TENM2: variants seen among roughly 807,000 people sequenced by gnomAD.
TENM2 encodes teneurin-2.
TENM2 carries 52 observed loss-of-function variants against 245.2 expected under a neutral mutation model. That is an observed-to-expected ratio of 0.21 (90% CI 0.17 to 0.27). TENM2 has a LOEUF of 0.27. Ranked by LOEUF, TENM2 falls within the 10% of genes least tolerant of loss-of-function variation. TENM2 has a pLI of 1.00. For synonymous variants in TENM2, 1,363 were observed against 1,438.9 expected, an observed-to-expected ratio of 0.95 and a Z score of 1.19; for missense variants, 3,046 against 3,666.8, an observed-to-expected ratio of 0.83 and a Z score of 4.37.
intron 1 of TENM2, among the ~76,000 whole-genome samples, chr5:167,349,113 T>C (rs1417470510): frequency 6.6e-6 from 1 of 152,192 alleles, no homozygotes; most frequent in Non-Finnish European, 1.5e-5. Flanking sequence ...CTGAGTTGCG[T>C]TGCCACAATC....
intron 14 of TENM2, 28 bp from the exon 17 acceptor site, chr5:168,195,148 C>G: frequency 3.2e-6 from 5 of 1,566,544 alleles, no homozygotes; most frequent in Non-Finnish European, 4.3e-6. Context: ...GCATGTGGCT[C>G]AAAGACCTCT....
chr5:167,036,163 A>T, the TENM2 span, among the ~76,000 whole-genome samples: 1 of 152,166 alleles, frequency 6.6e-6, no homozygotes, highest in Non-Finnish European at 1.5e-5. Flanking sequence ...AGAATCACAC[A>T]TTTACCTGAC....
intron 6 of TENM2, among the ~76,000 whole-genome samples, chr5:168,060,976 T>C (rs978931044): frequency 6.6e-6 from 1 of 152,152 alleles, no homozygotes; most frequent in African/African-American, 2.4e-5. Context: ...TCACAGAATG[T>C]CGAGGGGAGC....
chr5:167,506,459 A>T (rs1042657088), intron 2 of TENM2, among the ~76,000 whole-genome samples: 11 of 152,140 alleles, frequency 7.2e-5, no homozygotes, highest in African/African-American at 2.7e-4. Context: ...GAAATCAGAA[A>T]CCACATGTCA....
intron 2 of TENM2, among the ~76,000 whole-genome samples, chr5:167,838,293 T>G (rs1188149579): frequency 6.6e-6 from 1 of 152,222 alleles, no homozygotes; most frequent in Non-Finnish European, 1.5e-5. Context: ...CCGAGATATT[T>G]ATGGGATTCT....
chr5:167,545,793 A>C (rs922193883), intron 2 of TENM2, among the ~76,000 whole-genome samples: 2 of 152,198 alleles, frequency 1.3e-5, no homozygotes, highest in African/African-American at 4.8e-5. Flanking sequence ...AATTATATCT[A>C]CTGCACAGGC....
At chr5:167,900,137 G>GAAA (rs1561912449) in intron 3 of TENM2, among the ~76,000 whole-genome samples, 4 of 112,692 alleles carry the variant, frequency 3.5e-5, no homozygotes, top group Admixed American at 1.7e-4. Context: ...AAAAAAAGGG[G>GAAA]GGGGGGGTTT....
At chr5:167,095,689 G>A in the TENM2 span, among the ~76,000 whole-genome samples, 6 of 151,100 alleles carry the variant, frequency 4.0e-5, no homozygotes, top group African/African-American at 1.5e-4. Flanking sequence ...TGTTCAGTTT[G>A]AGTTTTGACA....
intron 2 of TENM2, among the ~76,000 whole-genome samples, chr5:167,808,433 T>C (rs1405951480): frequency 6.6e-6 from 1 of 152,146 alleles, no homozygotes; most frequent in Non-Finnish European, 1.5e-5. Context: ...CTAATTTTTA[T>C]ATTTTTAGTA....
rs553080316 is a variant in TENM2, at chr5:167,542,547, C to T, written c.502+167074C>T. Among the ~76,000 whole-genome samples, 19 of 152,220 alleles carry T rather than the reference C, an allele frequency of 1.2e-4. 3 individuals carry two copies. Among genetic ancestry groups the T allele is most frequent in the African/African-American group, 4.3e-4 (18 of 41,544 alleles). On this transcript the variant is annotated intron_variant, in intron 2 of 28. Transcript: ENST00000518659. The stretch of plus-strand genomic sequence containing the variant: ...ATGTTAGTGAACCTCTCAAGTGATT[C>T]GTATCTACCTTTAAATGTGAGAAAA...
chr5:168,209,693 G>A lies in TENM2; in HGVS notation c.3825-2041G>A, dbSNP rs78766488. On this transcript the variant is annotated intron_variant, in intron 19 of 28. Transcript: ENST00000518659. ...AATTCTGAGCAGAACATGAGGGATTGGAGTTAGTCCAAGGCAAAGTCTGCC... is the reference window on the plus strand; with the variant it reads ...AATTCTGAGCAGAACATGAGGGATTAGAGTTAGTCCAAGGCAAAGTCTGCC... Among the ~76,000 whole-genome samples, 968 of 152,336 alleles carry A rather than the reference G, an allele frequency of 6.4e-3. 12 individuals carry two copies. The highest frequency in any genetic ancestry group is 0.022 in the African/African-American group (924 of 41,570).
chr5:167,471,997 A>G (rs1435748302), intron 2 of TENM2, among the ~76,000 whole-genome samples: 1 of 152,140 alleles, frequency 6.6e-6, no homozygotes, highest in Non-Finnish European at 1.5e-5. Flanking sequence ...CTTGAGCCCC[A>G]GGTTGCTCGC....
chr5:167,808,182 A>C (rs1296133071), intron 2 of TENM2, among the ~76,000 whole-genome samples: 1 of 152,168 alleles, frequency 6.6e-6, no homozygotes, highest in East Asian at 1.9e-4. Context: ...TCGAGGAAGC[A>C]ACTTAATCAC....
intron 7 of TENM2, among the ~76,000 whole-genome samples, chr5:168,076,173 TTTTTA>T (rs202117061): frequency 0.055 from 7,249 of 132,154 alleles, 248 homozygotes; most frequent in African/African-American, 0.077. Context: ...GTTTGCTTTA[TTTTTA>T]TTTTATTTTA....
At chr5:167,010,969 T>C in the TENM2 span, among the ~76,000 whole-genome samples, 1 of 152,174 alleles carries the variant, frequency 6.6e-6, no homozygotes, top group African/African-American at 2.4e-5. Context: ...ACTACAATTA[T>C]CCTGTTTTAT....
intron 2 of TENM2, among the ~76,000 whole-genome samples, chr5:167,598,871 G>A (rs895045865): frequency 6.6e-6 from 1 of 152,028 alleles, no homozygotes; most frequent in Non-Finnish European, 1.5e-5. Flanking sequence ...AATTTATACC[G>A]CAGGTTAATC....
At chr5:167,950,975 C>T (rs771548681) in intron 3 of TENM2, among the ~76,000 whole-genome samples, 51 of 152,118 alleles carry the variant, frequency 3.4e-4, no homozygotes, top group Non-Finnish European at 8.8e-5. Context: ...TTCTAAACAT[C>T]ACAAAGAAAA....
chr5:167,025,591 C>T, the TENM2 span, among the ~76,000 whole-genome samples: 5 of 152,188 alleles, frequency 3.3e-5, no homozygotes, highest in Admixed American at 2.0e-4. Context: ...AAACACTAGA[C>T]GGTAAGTGTA....
chr5:167,688,975 G>A (rs1314609211), intron 2 of TENM2, among the ~76,000 whole-genome samples: 1 of 152,158 alleles, frequency 6.6e-6, no homozygotes, highest in Non-Finnish European at 1.5e-5. Flanking sequence ...AAGCAACGGG[G>A]CACATCGGAG....
Sources: allele counts gnomAD v4.1 joint callset (sites outside exome capture counted in the v4.1 genomes callset), GRCh38; gene constraint gnomAD v4.1.1; transcripts MANE v1.5; gene names NCBI Gene and HGNC (gene_info 2026-07-23, HGNC 2026-07-21).